DCC: variants seen among roughly 807,000 people sequenced by gnomAD.
DCC encodes the protein netrin receptor DCC.
A neutral mutation model predicts 172.5 loss-of-function variants in DCC; 58 were observed. The observed-to-expected ratio is 0.34, with a 90% confidence interval of 0.27 to 0.42. The LOEUF is 0.42. Among genes scored for constraint, DCC ranks in the 10% least tolerant of loss-of-function variants. The pLI is 1.00. For synonymous variants in DCC, 709 were observed against 644.5 expected (o/e 1.10, Z -1.52); for missense variants, 1,740 against 1,791.0 (o/e 0.97, Z 0.51).
chr18:53,018,889 G>T (rs917380103), intron 5 of DCC, among the ~76,000 whole-genome samples: 2 of 152,060 alleles, frequency 1.3e-5, no homozygotes, highest in Admixed American at 6.5e-5. Context: ...AATCATGATT[G>T]TCTATTTTTC....
At chr18:52,512,728 T>C in intron 1 of DCC, among the ~76,000 whole-genome samples, 1 of 151,980 alleles carries the variant, frequency 6.6e-6, no homozygotes, top group Admixed American at 6.6e-5. Context: ...AAATATACAG[T>C]AGAACATCAA....
At chr18:53,361,066 G>C (rs2057939447) in intron 15 of DCC, among the ~76,000 whole-genome samples, 1 of 152,120 alleles carries the variant, frequency 6.6e-6, no homozygotes, top group Non-Finnish European at 1.5e-5. Context: ...TAAATCCCAT[G>C]ATGTGTCCAT....
intron 24 of DCC, among the ~76,000 whole-genome samples, chr18:53,460,487 T>G (rs893937546): frequency 4.5e-5 from 6 of 132,408 alleles, no homozygotes; most frequent in South Asian, 2.5e-4. Flanking sequence ...TGTGTCCATG[T>G]GTTCTCATTG....
intron 1 of DCC, among the ~76,000 whole-genome samples, chr18:52,456,267 T>C (rs1462178990): frequency 6.6e-6 from 1 of 152,196 alleles, no homozygotes; most frequent in African/African-American, 2.4e-5. Context: ...TTATTGCTAT[T>C]GTTACTATTA....
chr18:53,518,818 C>T (rs1502217), intron 27 of DCC, among the ~76,000 whole-genome samples: 20,077 of 152,082 alleles, frequency 0.13, 1,568 homozygotes, highest in Admixed American at 0.24. Context: ...ATTGAGCATT[C>T]GTAAATTTAA....
At chr18:53,075,194 CT>C (rs1025162718) in intron 7 of DCC, among the ~76,000 whole-genome samples, 5 of 152,052 alleles carry the variant, frequency 3.3e-5, no homozygotes, top group African/African-American at 4.8e-5. Flanking sequence ...GGGAAAAGTC[CT>C]TTTTCAAAAT....
rs372180412 is a variant in DCC at position 52,482,309 on chromosome 18, C to G, written c.91+141431C>G. Among the ~76,000 whole-genome samples the G allele has an allele frequency of 6.2e-4, 94 of 152,234 alleles. 1 individual carries two copies. Among genetic ancestry groups the G allele is most frequent in the African/African-American group, 2.2e-3 (93 of 41,564 alleles). ...TGTATTTGCTTAATTACCTAAGTAC[C>G]TCACCCCAAATTATTTGCCAGTTCC... On this transcript the variant is annotated intron_variant, in intron 1 of 28. Transcript: ENST00000442544.
At chr18:52,665,250 G>A (rs188266904) in intron 1 of DCC, among the ~76,000 whole-genome samples, 1 of 152,244 alleles carries the variant, frequency 6.6e-6, no homozygotes, top group Admixed American at 6.5e-5. Flanking sequence ...GGGCTGATGG[G>A]TTAGAATATT....
Position 52,828,700 on chromosome 18 carries a change from A to G in DCC, c.412+76326A>G, listed in dbSNP as rs116720981. On this transcript the variant is annotated intron_variant, in intron 2 of 28. Coordinates refer to ENST00000442544, the MANE Select transcript of DCC (RefSeq NM_005215.4). ...AACTCACCTCAGAGGAGTTATAATT[A>G]TTTAATGCAAATGTAGAAAATCTAG... 1.9e-3 allele frequency among the ~76,000 whole-genome samples: 289 copies of G among 152,262 alleles called. 2 individuals carry two copies. Among genetic ancestry groups the G allele is most frequent in the African/African-American group, 6.6e-3 (273 of 41,554 alleles).
At chr18:53,091,168 C>A (rs976254500) in intron 7 of DCC, among the ~76,000 whole-genome samples, 1 of 151,894 alleles carries the variant, frequency 6.6e-6, no homozygotes, top group Non-Finnish European at 1.5e-5. Context: ...GTAAATTAGA[C>A]TTCCAATAAA....
chr18:53,187,060 A>G (rs1454511583), intron 9 of DCC, among the ~76,000 whole-genome samples: 1 of 152,030 alleles, frequency 6.6e-6, no homozygotes, highest in East Asian at 1.9e-4. Context: ...AAATTTCAAC[A>G]TGAAATTTTG....
intron 15 of DCC, among the ~76,000 whole-genome samples, chr18:53,347,560 A>G (rs1481029682): frequency 6.6e-6 from 1 of 152,216 alleles, no homozygotes. Flanking sequence ...ATTTGGCACT[A>G]TCGCACTTAT....
At chr18:52,921,636 T>G (rs2145482065) in intron 3 of DCC, among the ~76,000 whole-genome samples, 1 of 151,608 alleles carries the variant, frequency 6.6e-6, no homozygotes, top group South Asian at 2.1e-4. Context: ...GAGGTGGAGG[T>G]TGCAGTGAGC....
chr18:52,388,518 C>T (rs1321601013), intron 1 of DCC, among the ~76,000 whole-genome samples: 13 of 147,876 alleles, frequency 8.8e-5, no homozygotes, highest in Non-Finnish European at 1.5e-4. Flanking sequence ...TTTTTTTTTT[C>T]CCCACGGAAA....
At chr18:52,810,075 A>C (rs1029209104) in intron 2 of DCC, among the ~76,000 whole-genome samples, 5 of 151,480 alleles carry the variant, frequency 3.3e-5, no homozygotes, top group Non-Finnish European at 4.4e-5. Context: ...TCCTTCTAAC[A>C]ACCAAAAAAA....
chr18:52,542,211 A>C (rs1344652596), intron 1 of DCC, among the ~76,000 whole-genome samples: 1 of 151,764 alleles, frequency 6.6e-6, no homozygotes, highest in Non-Finnish European at 1.5e-5. Context: ...GCATCCTCTG[A>C]ATTTGAAAAA....
intron 2 of DCC, among the ~76,000 whole-genome samples, chr18:52,837,091 T>A (rs1217927554): frequency 6.6e-6 from 1 of 152,160 alleles, no homozygotes; most frequent in Non-Finnish European, 1.5e-5. Flanking sequence ...TGACCATGGC[T>A]GGAGTGTCTG....
At position 52,681,771 on chromosome 18, in the gene DCC, C is replaced by T. The variant is rs1009309324; in HGVS notation, c.92-70283C>T. 2.0e-5 allele frequency among the ~76,000 whole-genome samples: 3 copies of T among 152,062 alleles called. 1 individual carries two copies. The highest frequency in any genetic ancestry group is 4.4e-5 in the Non-Finnish European group (3 of 67,998). On this transcript the variant is annotated intron_variant, in intron 1 of 28. Transcript: ENST00000442544. ...TTTTCAGTCTGCTTGTTCACTAACA[C>T]GAGCGCAGACAATGTGAGGAGACCC...
intron 2 of DCC, among the ~76,000 whole-genome samples, chr18:52,783,433 C>G (rs113837960): frequency 7.0e-4 from 97 of 139,564 alleles, no homozygotes; most frequent in African/African-American, 2.6e-3. Context: ...ATCTTGGCAT[C>G]CACAGGTGTG....
Sources: allele counts gnomAD v4.1 joint callset (sites outside exome capture counted in the v4.1 genomes callset), GRCh38; gene constraint gnomAD v4.1.1; transcripts MANE v1.5; gene names NCBI Gene and HGNC (gene_info 2026-07-23, HGNC 2026-07-21).